NCOA1: variants seen among roughly 807,000 people sequenced by gnomAD.
NCOA1 encodes the protein Hin-2 protein.
In NCOA1, 35 loss-of-function variants were observed where a neutral mutation model predicts 150.9. The ratio of observed to expected loss-of-function variants is 0.23; its 90% CI spans 0.18 to 0.31. The LOEUF (loss-of-function observed/expected upper bound fraction) is 0.31, where lower values mean the gene tolerates loss of function less well. NCOA1 is among the 10% of genes least tolerant of loss of function. NCOA1 has a pLI of 1.00. For missense variants in NCOA1, 1,491 were observed against 1,749.3 expected, an observed-to-expected ratio of 0.85 and a Z score of 2.63; for synonymous variants, 590 against 630.0, an observed-to-expected ratio of 0.94 and a Z score of 0.95.
chr2:24,620,960 A>T (rs1230960682), intron 3 of NCOA1, among the ~76,000 whole-genome samples: 2 of 152,212 alleles, frequency 1.3e-5, no homozygotes, highest in African/African-American at 4.8e-5. Context: ...TGTTAGTGGT[A>T]AGAGATAATA....
At position 24,707,661 on chromosome 2, in the gene NCOA1, A is replaced by G. The variant is rs773279851; in HGVS notation, c.2191A>G (p.Ile731Val). Residue 731 changes from isoleucine to valine, a missense_variant, in exon 13 of 23, where the codon ATA becomes GTA. Physicochemically the swap from Ile to Val is conservative, Grantham distance 29 (BLOSUM62 3). This residue lies in a region of NCOA1 where 703 missense variants were observed against 717.7 expected (regional missense o/e 0.98). Coordinates refer to ENST00000348332, the MANE Select transcript of NCOA1 (RefSeq NM_003743.5). ...VTGQVQGNSS[I>V]KLELDASKKK... ...TGGACAGGTACAAGGAAACTCCAGT[A>G]TAAAACTAGAACTGGATGCTTCAAA... The G allele has an allele frequency of 1.9e-6, 3 of 1,614,112 alleles. No homozygotes were observed. The highest frequency in any genetic ancestry group is 1.3e-5 in the African/African-American group (1 of 74,948).
At chr2:24,523,856 G>A (rs1475292116) in intron 1 of NCOA1, among the ~76,000 whole-genome samples, 13 of 144,178 alleles carry the variant, frequency 9.0e-5, no homozygotes, top group African/African-American at 3.3e-4. Context: ...AACCCAGGAG[G>A]TGGAGGGTAC....
intron 7 of NCOA1, among the ~76,000 whole-genome samples, chr2:24,673,774 G>A (rs985696744): frequency 6.6e-6 from 1 of 152,048 alleles, no homozygotes; most frequent in African/African-American, 2.4e-5. Flanking sequence ...ATTAATATTA[G>A]ATTTACTTAG....
At chr2:24,574,490 T>G (rs1666869668) in intron 2 of NCOA1, among the ~76,000 whole-genome samples, 1 of 152,136 alleles carries the variant, frequency 6.6e-6, no homozygotes, top group African/African-American at 2.4e-5. Context: ...TTTTTTTAGT[T>G]TCTATTGTAA....
intron 17 of NCOA1, among the ~76,000 whole-genome samples, chr2:24,733,744 AAAAACAAAAC>A (rs199792126): frequency 1.3e-5 from 2 of 151,970 alleles, no homozygotes; most frequent in Non-Finnish European, 2.9e-5. Context: ...ACTCCATCTC[AAAAACAAAAC>A]AAAACAAAAC....
intron 22 of NCOA1, among the ~76,000 whole-genome samples, chr2:24,764,774 G>C (rs914580480): frequency 6.6e-6 from 1 of 152,230 alleles, no homozygotes; most frequent in East Asian, 1.9e-4. Context: ...AGAAGTGCTA[G>C]TTTAGACTTC....
chr2:24,549,023 T>C (rs976737681), intron 1 of NCOA1, among the ~76,000 whole-genome samples: 36 of 152,270 alleles, frequency 2.4e-4, no homozygotes, highest in African/African-American at 8.2e-4. Context: ...GTGGGGGCTC[T>C]GACCCCCACA....
chr2:24,707,744 A>G lies in NCOA1; in HGVS notation c.2274A>G (p.Lys758=), dbSNP rs758356685. The G allele has an allele frequency of 1.2e-6, 2 of 1,614,240 alleles. No individual in the cohort carries two copies. Among genetic ancestry groups the G allele is most frequent in the Non-Finnish European group, 1.7e-6 (2 of 1,180,038 alleles). The change falls in exon 13 of 23, where the codon AAA becomes AAG. Residue 758 remains lysine (K), a synonymous_variant. Coordinates refer to ENST00000348332, the MANE Select transcript of NCOA1 (RefSeq NM_003743.5). The part of the protein sequence containing the change: ...LLRYLLDKDE[K]DLRSTPNLSL... ...GCTATCTTTTAGATAAAGATGAGAA[A>G]GATTTAAGATCAACTCCAAACCTGA...
intron 8 of NCOA1, among the ~76,000 whole-genome samples, chr2:24,690,651 C>CAAAAAAAAAAAAAAAAAA (rs70947837): frequency 1.0e-4 from 4 of 38,444 alleles, no homozygotes; most frequent in Non-Finnish European, 1.3e-4. Context: ...GATTCCATCT[C>CAAAAAAAAAAAAAAAAAA]AAAAAAAAAA....
chr2:24,507,622 A>T (rs891155165), intron 1 of NCOA1, among the ~76,000 whole-genome samples: 1 of 151,442 alleles, frequency 6.6e-6, no homozygotes, highest in Non-Finnish European at 1.5e-5. Flanking sequence ...TATCATCTTC[A>T]TCATCATCAT....
chr2:24,506,201 G>T (rs552195459), intron 1 of NCOA1, among the ~76,000 whole-genome samples: 1 of 151,898 alleles, frequency 6.6e-6, no homozygotes, highest in African/African-American at 2.4e-5. Flanking sequence ...ATCATCATTA[G>T]AATCTATGTA....
At chr2:24,590,734 C>G (rs922647659) in intron 3 of NCOA1, among the ~76,000 whole-genome samples, 4 of 152,184 alleles carry the variant, frequency 2.6e-5, no homozygotes, top group African/African-American at 9.7e-5. Flanking sequence ...CAGCTCAATG[C>G]AGGGAATCAG....
chr2:24,705,681 A>C (rs1673388213), intron 12 of NCOA1, among the ~76,000 whole-genome samples: 1 of 152,160 alleles, frequency 6.6e-6, no homozygotes, highest in South Asian at 2.1e-4. Context: ...TTTGAGTGCC[A>C]TTGTCTCTAA....
intron 1 of NCOA1, among the ~76,000 whole-genome samples, chr2:24,504,738 CAG>C (rs1162569494): frequency 1.3e-5 from 2 of 152,116 alleles, no homozygotes; most frequent in Non-Finnish European, 2.9e-5. Flanking sequence ...ATATTTGAAA[CAG>C]AAAGTGAATA....
intron 2 of NCOA1, among the ~76,000 whole-genome samples, chr2:24,577,251 G>A (rs1006498611): frequency 4.6e-5 from 7 of 151,958 alleles, no homozygotes; most frequent in South Asian, 2.1e-4. Flanking sequence ...ATTAGTAATC[G>A]AATAAATGTA....
chr2:24,513,086 A>G (rs1572367063), intron 1 of NCOA1, among the ~76,000 whole-genome samples: 1 of 152,232 alleles, frequency 6.6e-6, no homozygotes, highest in African/African-American at 2.4e-5. Context: ...GCATCCGTCC[A>G]GTTCAGATGT....
intron 11 of NCOA1, among the ~76,000 whole-genome samples, chr2:24,698,018 C>CTCAT (rs924682528): frequency 8.5e-5 from 13 of 152,118 alleles, no homozygotes; most frequent in East Asian, 3.9e-4. Flanking sequence ...GTGGTGGTCA[C>CTCAT]TCATTCATTC....
chr2:24,542,101 A>G (rs529580730), intron 1 of NCOA1, among the ~76,000 whole-genome samples: 1 of 152,338 alleles, frequency 6.6e-6, no homozygotes, highest in South Asian at 2.1e-4. Flanking sequence ...GAAGATAGAC[A>G]TGGAGATCAT....
At position 24,761,732 on chromosome 2, in the gene NCOA1, T is replaced by C. The variant is rs370190501; in HGVS notation, c.4066-955T>C. ...TCCTACAAATATTCTTGAGCTTTGT[T>C]CTAGGAAATGGTTACTTGGAAGTTT... is the stretch of plus-strand genomic sequence containing the variant. On this transcript the variant is annotated intron_variant, in intron 21 of 22. Transcript: ENST00000348332. Among the ~76,000 whole-genome samples, 13 of 152,324 alleles carry C rather than the reference T, an allele frequency of 8.5e-5. No homozygotes were observed. The East Asian group carries it at 2.5e-3, about 29-fold the overall frequency.
Sources: allele counts gnomAD v4.1 joint callset (sites outside exome capture counted in the v4.1 genomes callset), GRCh38; gene constraint gnomAD v4.1.1; regional missense constraint gnomAD v4.1.1; transcripts MANE v1.5; gene names NCBI Gene and HGNC (gene_info 2026-07-23, HGNC 2026-07-21).